Variants in HTR4 observed in about 807,000 individuals in gnomAD.
HTR4 encodes 5-hydroxytryptamine (serotonin) receptor 4, G protein-coupled.
In HTR4, 16 loss-of-function variants were observed where a neutral mutation model predicts 36.8. The ratio of observed to expected loss-of-function variants is 0.43; its 90% confidence interval spans 0.29 to 0.66. HTR4 has a LOEUF of 0.66. HTR4 is among the 30% of genes least tolerant of loss of function. The pLI is 0.13. For synonymous variants in HTR4, 189 were observed against 185.1 expected, an observed-to-expected ratio of 1.02 and a Z score of -0.17; for missense variants, 438 against 490.9, an observed-to-expected ratio of 0.89 and a Z score of 1.02.
chr5:148,592,170 G>A (rs1442766926), intron 2 of HTR4, among the ~76,000 whole-genome samples: 1 of 152,112 alleles, frequency 6.6e-6, no homozygotes, highest in Non-Finnish European at 1.5e-5. Flanking sequence ...CTGACAAGTG[G>A]GAGCTAAATG....
At chr5:148,522,387 C>T (rs1362808889) in intron 5 of HTR4, among the ~76,000 whole-genome samples, 1 of 152,138 alleles carries the variant, frequency 6.6e-6, no homozygotes, top group East Asian at 1.9e-4. Flanking sequence ...AATATTTGTT[C>T]GCTTATCTAC....
At chr5:148,613,883 A>G (rs1248000566) in intron 2 of HTR4, among the ~76,000 whole-genome samples, 1 of 152,200 alleles carries the variant, frequency 6.6e-6, no homozygotes, top group African/African-American at 2.4e-5. Context: ...CCTATATACC[A>G]ACAACAGACA....
At chr5:148,556,651 T>C (rs1759964438) in intron 2 of HTR4, among the ~76,000 whole-genome samples, 1 of 152,174 alleles carries the variant, frequency 6.6e-6, no homozygotes, top group Non-Finnish European at 1.5e-5. Flanking sequence ...ATTTCCCAAA[T>C]GTTAATATTT....
downstream of HTR4, among the ~76,000 whole-genome samples, chr5:148,478,421 A>G (rs1367645267): frequency 1.3e-5 from 2 of 152,200 alleles, no homozygotes; most frequent in African/African-American, 4.8e-5. Context: ...TCTTCATTCT[A>G]GGAAGGAAGT....
chr5:148,565,863 A>G (rs1045921343), intron 2 of HTR4, among the ~76,000 whole-genome samples: 1 of 152,180 alleles, frequency 6.6e-6, no homozygotes, highest in Non-Finnish European at 1.5e-5. Context: ...AGACAGAATC[A>G]TGTAAAGGAG....
intron 2 of HTR4, among the ~76,000 whole-genome samples, chr5:148,623,313 G>C (rs1217501586): frequency 6.6e-6 from 1 of 152,098 alleles, no homozygotes; most frequent in African/African-American, 2.4e-5. Context: ...GAAATCTTAG[G>C]CAGCCCAGTG....
chr5:148,527,896 G>A (rs1161019504), intron 4 of HTR4, among the ~76,000 whole-genome samples: 4 of 152,108 alleles, frequency 2.6e-5, no homozygotes, highest in Non-Finnish European at 2.9e-5. Context: ...TTACAAACAT[G>A]AGCCACCACA....
chr5:148,591,655 C>A (rs952654412), intron 2 of HTR4, among the ~76,000 whole-genome samples: 2 of 152,122 alleles, frequency 1.3e-5, no homozygotes, highest in Non-Finnish European at 2.9e-5. Context: ...TGAACAGACA[C>A]TTTACAAAAG....
chr5:148,465,657 C>G (rs930088282), intron 5 of HTR4, among the ~76,000 whole-genome samples: 2 of 152,174 alleles, frequency 1.3e-5, no homozygotes, highest in Non-Finnish European at 2.9e-5. Context: ...ATCATTAAAA[C>G]ATTTAAAAAT....
intron 2 of HTR4, among the ~76,000 whole-genome samples, chr5:148,601,172 A>G (rs2127268892): frequency 6.6e-6 from 1 of 152,150 alleles, no homozygotes; most frequent in Non-Finnish European, 1.5e-5. Flanking sequence ...AATTGCTATT[A>G]TTAAAAAAAA....
intron 2 of HTR4, among the ~76,000 whole-genome samples, chr5:148,558,396 C>T (rs553707929): frequency 2.0e-5 from 3 of 152,250 alleles, no homozygotes; most frequent in South Asian, 4.1e-4. Context: ...AGGCTCTGAA[C>T]TCCCTTTTCT....
At chr5:148,506,931 G>A (rs1213562840) in intron 6 of HTR4, among the ~76,000 whole-genome samples, 1 of 152,206 alleles carries the variant, frequency 6.6e-6, no homozygotes, top group South Asian at 2.1e-4. Context: ...TGGTGGGACT[G>A]TAAACTAGTT....
chr5:148,624,020 G>C (rs1753005593), intron 2 of HTR4, among the ~76,000 whole-genome samples: 1 of 152,180 alleles, frequency 6.6e-6, no homozygotes, highest in Non-Finnish European at 1.5e-5. Flanking sequence ...TGGGCTATTT[G>C]TATTGCTGAC....
intron 2 of HTR4, among the ~76,000 whole-genome samples, chr5:148,575,841 T>A (rs1157623049): frequency 6.6e-6 from 1 of 151,830 alleles, no homozygotes; most frequent in African/African-American, 2.4e-5. Flanking sequence ...GGATGCCTTG[T>A]CTCACCACTC....
chr5:148,632,887 C>G (rs541843715), intron 2 of HTR4, among the ~76,000 whole-genome samples: 45 of 152,160 alleles, frequency 3.0e-4, no homozygotes, highest in Non-Finnish European at 4.0e-4. Flanking sequence ...TGTTTTAGGG[C>G]TGAATTAAGT....
intron 6 of HTR4, among the ~76,000 whole-genome samples, chr5:148,506,575 A>C (rs1757226838): frequency 6.6e-6 from 1 of 152,178 alleles, no homozygotes. Context: ...CTACCATCAG[A>C]GTGAACAGGC....
intron 2 of HTR4, among the ~76,000 whole-genome samples, chr5:148,585,055 G>A (rs568833168): frequency 5.3e-5 from 8 of 152,300 alleles, no homozygotes; most frequent in African/African-American, 1.9e-4. Context: ...ACAGACTTGG[G>A]TGTGAGTCCT....
chr5:148,636,807 T>A (rs1753556372), intron 2 of HTR4, among the ~76,000 whole-genome samples, 182 bp downstream of exon 2: 1 of 152,224 alleles, frequency 6.6e-6, no homozygotes, highest in Non-Finnish European at 1.5e-5. Flanking sequence ...ATTACGTTTT[T>A]CATTTAAACA....
At chr5:148,647,997 A>G (rs988315367) in intron 1 of HTR4, among the ~76,000 whole-genome samples, 3 of 152,186 alleles carry the variant, frequency 2.0e-5, no homozygotes, top group Non-Finnish European at 4.4e-5. Context: ...TAAGAATAAG[A>G]AACAACAACT....
Sources: gnomAD v4.1 joint callset for allele counts (sites outside exome capture counted in the v4.1 genomes callset) on GRCh38, gnomAD v4.1.1 for gene constraint, MANE v1.5 for transcripts, NCBI Gene and HGNC (gene_info 2026-07-23, HGNC 2026-07-21) for gene names.